The following CPLX2 variants were observed in gnomAD, a reference collection of about 807,000 sequenced individuals.
CPLX2 encodes the protein complexin 2.
In CPLX2, 5 loss-of-function variants were observed where a neutral mutation model predicts 16.3. The observed-to-expected ratio is 0.31, with a 90% CI of 0.16 to 0.64. The LOEUF is 0.64. CPLX2 is among the 30% of genes least tolerant of loss of function. The probability of loss-of-function intolerance (pLI) is 0.79; values close to 1 mark genes in which losing one functional copy is unlikely to be tolerated. For missense variants in CPLX2, 144 were observed against 181.4 expected (o/e 0.79, Z 1.18); for synonymous variants, 89 against 73.2 (o/e 1.22, Z -1.10).
chr5:175,847,114 G>T (rs1309312166), intron 2 of CPLX2, among the ~76,000 whole-genome samples: 3 of 152,220 alleles, frequency 2.0e-5, no homozygotes, highest in African/African-American at 7.2e-5. Context: ...GAGGCGTGGG[G>T]CCAAGGAGGG....
intron 1 of CPLX2, among the ~76,000 whole-genome samples, chr5:175,878,009 T>A (rs1755442189): frequency 6.6e-6 from 1 of 152,200 alleles, no homozygotes; most frequent in East Asian, 1.9e-4. Flanking sequence ...AAAATCGATA[T>A]TAAGCTATAA....
intron 1 of CPLX2, among the ~76,000 whole-genome samples, chr5:175,801,129 T>C (rs1758087236): frequency 1.4e-5 from 2 of 143,398 alleles, no homozygotes; most frequent in Non-Finnish European, 3.0e-5. Flanking sequence ...ATGTAATAGA[T>C]AGTAGCCAGA....
chr5:175,852,801 C>T (rs565554874), intron 2 of CPLX2, among the ~76,000 whole-genome samples: 125 of 152,250 alleles, frequency 8.2e-4, no homozygotes, highest in Non-Finnish European at 1.6e-3. Flanking sequence ...GAAAGCAGGG[C>T]GGGCAGGTGA....
intron 2 of CPLX2, among the ~76,000 whole-genome samples, chr5:175,839,260 A>ATTTT (rs1419488368): frequency 1.4e-4 from 20 of 141,608 alleles, no homozygotes; most frequent in African/African-American, 5.4e-4. Context: ...ATTTTCCATG[A>ATTTT]ATTTTTGTTT....
chr5:175,855,496 A>G (rs1475301924), intron 2 of CPLX2, among the ~76,000 whole-genome samples: 1 of 152,206 alleles, frequency 6.6e-6, no homozygotes, highest in Non-Finnish European at 1.5e-5. Context: ...CATGTAACTG[A>G]TAAGTTCAAG....
At chr5:175,871,821 G>C (rs1177872647) in intron 1 of CPLX2, 116 bp downstream of exon 1, 1 of 152,602 alleles carries the variant, frequency 6.6e-6, no homozygotes, top group Non-Finnish European at 1.5e-5. Flanking sequence ...CTTTCGGGGG[G>C]ACAGCTCCCC....
chr5:175,820,121 T>TC (rs994637283), intron 2 of CPLX2, among the ~76,000 whole-genome samples: 1 of 152,144 alleles, frequency 6.6e-6, no homozygotes, highest in African/African-American at 2.4e-5. Context: ...GCCAATTTGG[T>TC]CAGCTCCTGT....
intron 1 of CPLX2, among the ~76,000 whole-genome samples, chr5:175,877,380 T>A (rs188829417): frequency 2.7e-4 from 41 of 152,032 alleles, no homozygotes; most frequent in Admixed American, 2.2e-3. Context: ...ATGAAGAAAA[T>A]CTATCAAAGA....
intron 2 of CPLX2, among the ~76,000 whole-genome samples, chr5:175,864,901 G>C (rs1294108457): frequency 6.6e-6 from 1 of 152,168 alleles, no homozygotes; most frequent in African/African-American, 2.4e-5. Context: ...TCATTAACTT[G>C]TTATGTGACC....
At chr5:175,816,446 T>G (rs540291804) in intron 2 of CPLX2, among the ~76,000 whole-genome samples, 3 of 152,302 alleles carry the variant, frequency 2.0e-5, no homozygotes, top group East Asian at 1.9e-4. Context: ...GATTACAGGC[T>G]TGAGCCACCG....
chr5:175,838,266 C>CTTT (rs1156770920), intron 2 of CPLX2, among the ~76,000 whole-genome samples: 14,466 of 116,616 alleles, frequency 0.12, 1,459 homozygotes, highest in East Asian at 0.25. Context: ...CCCCTCCTGT[C>CTTT]TTTTTTTTTT....
At chr5:175,815,673 C>T (rs1338178009) in intron 2 of CPLX2, among the ~76,000 whole-genome samples, 2 of 152,208 alleles carry the variant, frequency 1.3e-5, no homozygotes, top group Non-Finnish European at 2.9e-5. Flanking sequence ...TTCTACTCAT[C>T]CACTACAACT....
intron 2 of CPLX2, among the ~76,000 whole-genome samples, chr5:175,819,820 G>T (rs79700529): frequency 6.6e-6 from 1 of 152,232 alleles, no homozygotes; most frequent in African/African-American, 2.4e-5. Context: ...CCTGCCCAAG[G>T]TCTCACAGAG....
Position 175,861,216 on chromosome 5 carries a change from C to T in CPLX2, c.-88-17436C>T, listed in dbSNP as rs990014471. Among the ~76,000 whole-genome samples, 14 of 152,238 alleles carry T rather than the reference C, an allele frequency of 9.2e-5. No homozygotes were observed. The East Asian group carries it at 2.7e-3, about 29-fold the overall frequency. On this transcript the variant is annotated intron_variant, in intron 2 of 4. Transcript: ENST00000359546. ...ACCTCTGGAAATATTTGTTGACCAT[C>T]CACAATCAAAAAAGCCTTGGGCTTG...
intron 1 of CPLX2, among the ~76,000 whole-genome samples, chr5:175,807,455 A>G (rs1272639054): frequency 6.6e-6 from 1 of 152,116 alleles, no homozygotes; most frequent in African/African-American, 2.4e-5. Flanking sequence ...GGAAGATGCC[A>G]TTTGCTCCCA....
At position 175,872,363 on chromosome 5, in the gene CPLX2, A is replaced by AC. The variant is rs1430229556; in HGVS notation, c.-89+662dup. ...CCGCCGCCTGGAGTCTTCGGGAACG[A>AC]CCCCTTCTGTGCTCTCGTTCTCGTC... On this transcript the variant is annotated intron_variant, in intron 1 of 3. Transcript: ENST00000393745. This position sits in a 1 kb window ranked among gnomAD's most constrained non-coding sequence, Gnocchi z 5.0. Among the ~76,000 whole-genome samples the AC allele has an allele frequency of 1.5e-4, 22 of 151,632 alleles. No homozygotes were observed. Among genetic ancestry groups the AC allele is most frequent in the Non-Finnish European group, 2.8e-4 (19 of 67,882 alleles).
intron 2 of CPLX2, among the ~76,000 whole-genome samples, chr5:175,813,592 C>A (rs1481706771): frequency 6.6e-6 from 1 of 152,244 alleles, no homozygotes; most frequent in East Asian, 1.9e-4. Context: ...AGCCATGGAT[C>A]CAGCTCTGAT....
chr5:175,812,467 A>T (rs534014586), intron 2 of CPLX2, among the ~76,000 whole-genome samples: 3 of 152,236 alleles, frequency 2.0e-5, no homozygotes, highest in South Asian at 2.1e-4. Flanking sequence ...GATTTTAGAC[A>T]TCAGTGTTTG....
At chr5:175,844,683 C>G (rs943387173) in intron 2 of CPLX2, among the ~76,000 whole-genome samples, 2 of 152,178 alleles carry the variant, frequency 1.3e-5, no homozygotes, top group African/African-American at 4.8e-5. Flanking sequence ...TGCGAAGGGC[C>G]GGAGGCTGGC....
Sources: gnomAD v4.1 joint callset for allele counts (sites outside exome capture counted in the v4.1 genomes callset) on GRCh38, gnomAD v4.1.1 for gene constraint, Gnocchi (gnomAD v3.1) non-coding constraint, MANE v1.5 for transcripts, NCBI Gene and HGNC (gene_info 2026-07-23, HGNC 2026-07-21) for gene names.